The following PTPRN2 variants were observed in gnomAD, a reference collection of about 807,000 sequenced individuals.
PTPRN2 encodes the protein protein tyrosine phosphatase receptor type N2.
PTPRN2 carries 74 observed loss-of-function variants against 118.8 expected under a neutral mutation model. The observed-to-expected ratio is 0.62, with a 90% CI of 0.52 to 0.76. The LOEUF is 0.76. Among genes scored for constraint, PTPRN2 ranks in the 30% least tolerant of loss-of-function variants. The pLI is 0.00. For synonymous variants in PTPRN2, 641 were observed against 608.0 expected (o/e 1.05, Z -0.80); for missense variants, 1,481 against 1,394.4 (o/e 1.06, Z -0.99).
chr7:157,986,928 A>G lies in PTPRN2; in HGVS notation c.1724-88191T>C, dbSNP rs987012547. Reference sequence around the variant, plus strand: ...GCCCAGTGACTTTGGGGTCATTTGCACGGTATCAGCTATAGCCGCAGTGAG... The same window carrying G: ...GCCCAGTGACTTTGGGGTCATTTGCGCGGTATCAGCTATAGCCGCAGTGAG... On this transcript the variant is annotated intron_variant, in intron 11 of 22. Coordinates refer to ENST00000389418, the MANE Select transcript of PTPRN2 (RefSeq NM_002847.5). This position sits in a 1 kb window ranked among gnomAD's most constrained non-coding sequence, Gnocchi z 4.5. Among the ~76,000 whole-genome samples the G allele has an allele frequency of 6.6e-6, 1 of 152,114 alleles. No homozygotes were observed. The highest frequency in any genetic ancestry group is 2.4e-5 in the African/African-American group (1 of 41,412).
rs1418332388 is a variant in PTPRN2 at position 157,615,887 on chromosome 7, T to C, written c.2344+5475A>G. On this transcript the variant is annotated intron_variant, in intron 15 of 22. Transcript: ENST00000389418. This position sits in a 1 kb window ranked among gnomAD's most constrained non-coding sequence, Gnocchi z 4.3. ...TTAAGGAAAAGACTCTGGATGTTAG[T>C]GGGTTCGGCCTCAGAATCAGCCGGC... 3.0e-6 allele frequency: 1 copy of C among 331,582 alleles called. No individual in the cohort carries two copies. The highest frequency in any genetic ancestry group is 8.1e-5 in the East Asian group (1 of 12,382). 20.5% of individuals were successfully genotyped at this position (331,582 alleles called of 1,614,324 possible). A position where few individuals can be genotyped will look rare whatever the true frequency, so the allele number is the denominator to read the frequency against.
intron 11 of PTPRN2, among the ~76,000 whole-genome samples, chr7:157,943,983 A>G (rs993048747): frequency 6.6e-6 from 1 of 152,138 alleles, no homozygotes; most frequent in Non-Finnish European, 1.5e-5. Flanking sequence ...CATTCAGACA[A>G]TCTTGTTCTT....
At chr7:157,721,546 A>G (rs924424297) in intron 12 of PTPRN2, among the ~76,000 whole-genome samples, 2 of 152,218 alleles carry the variant, frequency 1.3e-5, no homozygotes, top group African/African-American at 4.8e-5. Context: ...TCCCACCAGC[A>G]GGAGCCACAG....
intron 2 of PTPRN2, among the ~76,000 whole-genome samples, chr7:158,341,248 C>T (rs1179087918): frequency 1.3e-5 from 2 of 151,202 alleles, no homozygotes; most frequent in African/African-American, 2.4e-5. Context: ...TAATTGGTGA[C>T]ACCTGCAGAC....
chr7:158,505,427 C>T (rs1022076588), intron 1 of PTPRN2, among the ~76,000 whole-genome samples: 2 of 152,184 alleles, frequency 1.3e-5, no homozygotes, highest in Admixed American at 1.3e-4. Flanking sequence ...CATTCCTTCT[C>T]TACAAAGGTG....
At position 157,571,685 on chromosome 7, in the gene PTPRN2, C is replaced by T. The variant is rs556555153; in HGVS notation, c.2784-192G>A. On this transcript the variant is annotated intron_variant, in intron 19 of 22. Transcript: ENST00000389418. ...TTCTTCTCAACATGACGTTATTAAT[C>T]GGAGCTTTAAAACCAATGTTACACC... Among the ~76,000 whole-genome samples, 25 of 152,282 alleles carry T rather than the reference C, an allele frequency of 1.6e-4. No individual in the cohort carries two copies. In the South Asian group the frequency reaches 4.3e-3, roughly 26 times the overall value.
chr7:157,824,094 T>C (rs28435807), intron 12 of PTPRN2, among the ~76,000 whole-genome samples: 21,359 of 152,146 alleles, frequency 0.14, 2,866 homozygotes, highest in African/African-American at 0.34. Flanking sequence ...ACAATCCCCC[T>C]GAACCCAGCG....
intron 12 of PTPRN2, among the ~76,000 whole-genome samples, chr7:157,736,455 C>A (rs1428579546): frequency 6.6e-6 from 1 of 152,176 alleles, no homozygotes; most frequent in African/African-American, 2.4e-5. Context: ...GAGAGACACC[C>A]CGTGCCTGCA....
At chr7:157,642,838 A>AAAAAAAAAAAAC (rs1804777731) in intron 14 of PTPRN2, among the ~76,000 whole-genome samples, 1 of 147,736 alleles carries the variant, frequency 6.8e-6, no homozygotes, top group African/African-American at 2.5e-5. Context: ...AAAAAAAAAA[A>AAAAAAAAAAAAC]AAAAAAGCAG....
intron 8 of PTPRN2, among the ~76,000 whole-genome samples, chr7:158,135,799 G>A (rs1818753813): frequency 6.6e-6 from 1 of 152,180 alleles, no homozygotes; most frequent in African/African-American, 2.4e-5. Flanking sequence ...TTGCCAACAG[G>A]CATGGAACCA....
intron 2 of PTPRN2, among the ~76,000 whole-genome samples, chr7:158,327,801 TG>T (rs1803776356): frequency 6.6e-6 from 1 of 152,158 alleles, no homozygotes; most frequent in African/African-American, 2.4e-5. Context: ...CCCGGTGCCC[TG>T]GGACACTGGA....
chr7:158,330,651 ACC>A (rs1168859100), intron 2 of PTPRN2, among the ~76,000 whole-genome samples: 13 of 110,094 alleles, frequency 1.2e-4, no homozygotes, highest in African/African-American at 3.7e-4. Flanking sequence ...CGTCACTCAC[ACC>A]CACACTCTCA....
At position 157,590,867 on chromosome 7, in the gene PTPRN2, C is replaced by T. The variant is rs1471591214; in HGVS notation, c.2496+4371G>A. Among the ~76,000 whole-genome samples the T allele has an allele frequency of 6.6e-6, 1 of 152,166 alleles. No individual in the cohort carries two copies. The highest frequency in any genetic ancestry group is 1.5e-5 in the Non-Finnish European group (1 of 68,038). On this transcript the variant is annotated intron_variant, in intron 17 of 22. Transcript: ENST00000389418. This position sits in a 1 kb window ranked among gnomAD's most constrained non-coding sequence, Gnocchi z 4.0. ...TCCCAGCAGCCCAGTGACCTCCAAA[C>T]GGACTCCTGACCCATCACCATGTCA...
At chr7:157,870,055 T>G in intron 12 of PTPRN2, among the ~76,000 whole-genome samples, 1 of 152,206 alleles carries the variant, frequency 6.6e-6, no homozygotes, top group East Asian at 1.9e-4. Flanking sequence ...TTGCAATTCT[T>G]CAAGGAAATG....
chr7:158,084,475 C>T (rs1402615759), intron 10 of PTPRN2, among the ~76,000 whole-genome samples: 1 of 152,056 alleles, frequency 6.6e-6, no homozygotes, highest in Non-Finnish European at 1.5e-5. Context: ...TTGAATAAAT[C>T]CCATGTGCAT....
At chr7:157,577,767 G>A (rs1800133115) in intron 18 of PTPRN2, among the ~76,000 whole-genome samples, 1 of 151,930 alleles carries the variant, frequency 6.6e-6, no homozygotes, top group Non-Finnish European at 1.5e-5. Flanking sequence ...TGAGCACACA[G>A]CCGTGTGAAC....
intron 4 of PTPRN2, among the ~76,000 whole-genome samples, chr7:158,202,614 G>C (rs1052490598): frequency 6.6e-6 from 1 of 152,178 alleles, no homozygotes; most frequent in Non-Finnish European, 1.5e-5. Context: ...GGAGTGTGGA[G>C]GAAAGGAGTC....
At chr7:157,733,969 C>T (rs559223042) in intron 12 of PTPRN2, among the ~76,000 whole-genome samples, 1 of 86,494 alleles carries the variant, frequency 1.2e-5, no homozygotes, top group South Asian at 4.3e-4. Context: ...CACAGTTACC[C>T]TTTCCCGTCC....
chr7:158,420,708 T>G (rs1815177686), intron 2 of PTPRN2, among the ~76,000 whole-genome samples: 1 of 152,132 alleles, frequency 6.6e-6, no homozygotes, highest in Admixed American at 6.5e-5. Flanking sequence ...CAGAAGATAC[T>G]CCCCATCATC....
Sources: gnomAD v4.1 joint callset for allele counts (sites outside exome capture counted in the v4.1 genomes callset) on GRCh38, gnomAD v4.1.1 for gene constraint, Gnocchi (gnomAD v3.1) non-coding constraint, MANE v1.5 for transcripts, NCBI Gene and HGNC (gene_info 2026-07-23, HGNC 2026-07-21) for gene names.